HDAC4: variants seen among roughly 807,000 people sequenced by gnomAD.
HDAC4 encodes histone deacetylase 4, also known as histone deacetylase A.
In HDAC4, 16 loss-of-function variants were observed where a neutral mutation model predicts 135.1. The ratio of observed to expected loss-of-function variants is 0.12; its 90% CI spans 0.08 to 0.18. The LOEUF (loss-of-function observed/expected upper bound fraction) is 0.18. Ranked by LOEUF, HDAC4 falls within the 10% of genes least tolerant of loss-of-function variation. The pLI is 1.00. For missense variants in HDAC4, 1,143 were observed against 1,511.8 expected (o/e 0.76, Z 4.05); for synonymous variants, 685 against 653.4 (o/e 1.05, Z -0.74).
At chr2:239,145,536 C>A (rs993478372) in intron 7 of HDAC4, among the ~76,000 whole-genome samples, 1 of 152,222 alleles carries the variant, frequency 6.6e-6, no homozygotes, top group African/African-American at 2.4e-5. Context: ...AGGCAGCGAC[C>A]GGAGTCAAAG....
chr2:239,338,341 G>A (rs180933987), intron 2 of HDAC4, among the ~76,000 whole-genome samples: 18 of 152,094 alleles, frequency 1.2e-4, no homozygotes, highest in Admixed American at 3.3e-4. Context: ...GCCTCTACTC[G>A]TTACCCTCTC....
chr2:239,148,527 G>A (rs1160746918), intron 7 of HDAC4, among the ~76,000 whole-genome samples: 1 of 152,182 alleles, frequency 6.6e-6, no homozygotes, highest in Non-Finnish European at 1.5e-5. Context: ...TCGGCCTTGA[G>A]AACAGTTTTG....
chr2:239,140,252 A>C (rs1470380317), intron 8 of HDAC4, among the ~76,000 whole-genome samples: 2 of 152,182 alleles, frequency 1.3e-5, no homozygotes, highest in Admixed American at 6.5e-5. Flanking sequence ...TTTTCCCTAC[A>C]TAGCAGCAAG....
chr2:239,368,348 G>A (rs1694366020), intron 1 of HDAC4, among the ~76,000 whole-genome samples: 1 of 152,172 alleles, frequency 6.6e-6, no homozygotes, highest in South Asian at 2.1e-4. Flanking sequence ...TAGCAAAGGG[G>A]GCGATGAGAA....
At chr2:239,168,279 C>T (rs529977506) in intron 5 of HDAC4, among the ~76,000 whole-genome samples, 5 of 152,280 alleles carry the variant, frequency 3.3e-5, no homozygotes, top group South Asian at 4.1e-4. Context: ...GGGCTGTATT[C>T]GCTCCACACT....
intron 21 of HDAC4, 89 bp downstream of exon 21, chr2:239,082,013 G>A (rs1439994414): frequency 8.4e-6 from 12 of 1,427,062 alleles, no homozygotes; most frequent in Middle Eastern, 4.3e-4. Context: ...CACTGCTGCC[G>A]GGCAGCTGTG....
chr2:239,187,897 G>A (rs953240637), intron 4 of HDAC4, among the ~76,000 whole-genome samples: 1 of 152,196 alleles, frequency 6.6e-6, no homozygotes, highest in Non-Finnish European at 1.5e-5. Context: ...AGGCAAAAAC[G>A]ATAAAGCATG....
intron 5 of HDAC4, among the ~76,000 whole-genome samples, chr2:239,166,392 G>A (rs1411924727): frequency 1.3e-5 from 2 of 152,134 alleles, no homozygotes; most frequent in African/African-American, 2.4e-5. Context: ...GTCATTGCCC[G>A]AGTCAAGCTG....
In HDAC4 at chr2:239,349,366, G is replaced by A. The variant is rs940541198; in HGVS notation, c.22+3312C>T. ...GCTCTGACACACCTAGAAATTTCCC[G>A]CTCAAGAGAGCAAACTGAATCCTTT... On this transcript the variant is annotated intron_variant, in intron 2 of 26. Coordinates refer to ENST00000543185, the MANE Select transcript of HDAC4 (RefSeq NM_001378414.1). This position sits in a 1 kb window ranked among gnomAD's most constrained non-coding sequence, Gnocchi z 5.7. Among the ~76,000 whole-genome samples the A allele has an allele frequency of 1.3e-5, 2 of 152,338 alleles. No homozygotes were observed. The highest frequency in any genetic ancestry group is 3.9e-4 in the East Asian group (2 of 5,182).
At chr2:239,254,213 C>T (rs1288031432) in intron 2 of HDAC4, among the ~76,000 whole-genome samples, 4 of 152,130 alleles carry the variant, frequency 2.6e-5, no homozygotes, top group Non-Finnish European at 5.9e-5. Flanking sequence ...CCACAATCCA[C>T]AGCACACAAA....
chr2:239,363,659 T>A (rs1032250352), intron 1 of HDAC4, among the ~76,000 whole-genome samples: 2 of 152,104 alleles, frequency 1.3e-5, no homozygotes, highest in Admixed American at 6.6e-5. Flanking sequence ...ACAAAAAATA[T>A]CTTCAGGTGG....
intron 11 of HDAC4, among the ~76,000 whole-genome samples, chr2:239,132,470 C>T (rs1286038693): frequency 1.3e-5 from 2 of 152,182 alleles, no homozygotes; most frequent in African/African-American, 4.8e-5. Context: ...GAGGGGCTTG[C>T]TGGGCACAGG....
rs546204054 is a variant in HDAC4 at position 239,153,826 on chromosome 2, G to A, written c.733+2826C>T. Among the ~76,000 whole-genome samples, 363 of 152,340 alleles carry A rather than the reference G, an allele frequency of 2.4e-3. 2 individuals are homozygous for A. The highest frequency in any genetic ancestry group is 8.3e-3 in the African/African-American group (346 of 41,572). On this transcript the variant is annotated intron_variant, in intron 7 of 26. Transcript: ENST00000543185. The stretch of plus-strand genomic sequence containing the variant: ...CCAATCATCCCCAGAGAAACACAAG[G>A]CAGCATGGGAAGCCAACAGCCACGG...
chr2:239,119,690 TGAG>T lies in HDAC4; in HGVS notation c.1534-4383_1534-4381del, dbSNP rs370430814. 3.8e-3 allele frequency among the ~76,000 whole-genome samples: 576 copies of T among 152,180 alleles called. 2 individuals carry two copies. Among genetic ancestry groups the T allele is most frequent in the African/African-American group, 0.014 (561 of 41,522 alleles). On this transcript the variant is annotated intron_variant, in intron 12 of 26. Coordinates refer to ENST00000543185, the MANE Select transcript of HDAC4 (RefSeq NM_001378414.1). ...GGACACGGAGATGGGAGCTCAGGGCTGAGGAGGTGTTCAGGGCCTCAGAGGGCT... is the reference window on the plus strand; with the variant it reads ...GGACACGGAGATGGGAGCTCAGGGCTGAGGTGTTCAGGGCCTCAGAGGGCT...
chr2:239,098,813 A>G (rs3791391), intron 16 of HDAC4, among the ~76,000 whole-genome samples: 44,590 of 152,206 alleles, frequency 0.29, 6,749 homozygotes, highest in Non-Finnish European at 0.33. Flanking sequence ...TAGACTGATG[A>G]TAATGAAGTT....
rs77350073 is a variant in HDAC4, at chr2:239,309,754, T to C, written c.22+42924A>G. Among the ~76,000 whole-genome samples, 2,330 of 152,314 alleles carry C rather than the reference T, an allele frequency of 0.015. 40 individuals carry two copies. The highest frequency in any genetic ancestry group is 0.079 in the East Asian group (408 of 5,164). ...GGCAATCCCCCCACACACCATCCCC[T>C]TCCCCTTCGCTCATCTGGGGAAGCT... On this transcript the variant is annotated intron_variant, in intron 2 of 26. Coordinates refer to ENST00000543185, the MANE Select transcript of HDAC4 (RefSeq NM_001378414.1). The surrounding 1 kb of genome is among the most constrained non-coding windows in gnomAD (Gnocchi z 4.2).
chr2:239,120,902 A>C (rs913826389), intron 12 of HDAC4, among the ~76,000 whole-genome samples: 2 of 151,224 alleles, frequency 1.3e-5, no homozygotes, highest in Non-Finnish European at 2.9e-5. Flanking sequence ...ATCGAGGAAA[A>C]GGGTTTGTCT....
At chr2:239,386,293 A>T (rs1230965657) in intron 1 of HDAC4, among the ~76,000 whole-genome samples, 1 of 151,912 alleles carries the variant, frequency 6.6e-6, no homozygotes. Flanking sequence ...GCTCAAACGG[A>T]ATTAGAGGCA....
chr2:239,318,175 C>A (rs137919053), intron 2 of HDAC4, among the ~76,000 whole-genome samples: 292 of 152,244 alleles, frequency 1.9e-3, no homozygotes, highest in African/African-American at 6.8e-3. Flanking sequence ...CAGATACCTG[C>A]TAATTATGCA....
Sources: gnomAD v4.1 joint callset for allele counts (sites outside exome capture counted in the v4.1 genomes callset) on GRCh38, gnomAD v4.1.1 for gene constraint, Gnocchi (gnomAD v3.1) non-coding constraint, MANE v1.5 for transcripts, NCBI Gene and HGNC (gene_info 2026-07-23, HGNC 2026-07-21) for gene names.